The following TTC28 variants were observed in gnomAD, a reference collection of about 807,000 sequenced individuals.
TTC28 encodes the protein tetratricopeptide repeat domain 28.
A neutral mutation model predicts 198.0 loss-of-function variants in TTC28; 61 were observed. The ratio of observed to expected loss-of-function variants is 0.31; its 90% CI spans 0.25 to 0.38. TTC28 has a LOEUF of 0.38. Among genes scored for constraint, TTC28 ranks in the 10% least tolerant of loss-of-function variants. The pLI is 1.00. For missense variants in TTC28, 2,678 were observed against 3,164.0 expected (o/e 0.85, Z 3.69); for synonymous variants, 1,171 against 1,297.8 (o/e 0.90, Z 2.10).
At chr22:28,121,237 T>A (rs774417060) in intron 6 of TTC28, among the ~76,000 whole-genome samples, 5 of 152,228 alleles carry the variant, frequency 3.3e-5, no homozygotes, top group African/African-American at 4.8e-5. Context: ...CTCACAGGAT[T>A]ACAGAAACCT....
chr22:28,231,284 G>T (rs1262779063), intron 5 of TTC28, among the ~76,000 whole-genome samples: 1 of 152,142 alleles, frequency 6.6e-6, no homozygotes, highest in African/African-American at 2.4e-5. Flanking sequence ...TTTAATACAT[G>T]GACTGAATAC....
At chr22:28,171,312 T>C (rs942071510) in intron 5 of TTC28, among the ~76,000 whole-genome samples, 1 of 152,170 alleles carries the variant, frequency 6.6e-6, no homozygotes, top group Non-Finnish European at 1.5e-5. Flanking sequence ...CCTTTCTTCA[T>C]GAAGTTCCCT....
chr22:28,228,651 G>C (rs1928546692), intron 5 of TTC28, among the ~76,000 whole-genome samples: 1 of 152,016 alleles, frequency 6.6e-6, no homozygotes, highest in African/African-American at 2.4e-5. Context: ...AGTGAGCCGA[G>C]ATTGCGCCAC....
intron 13 of TTC28, among the ~76,000 whole-genome samples, chr22:28,028,033 A>C (rs1938906903): frequency 6.6e-6 from 1 of 152,228 alleles, no homozygotes. Context: ...CTGGCTTGTG[A>C]GAGAGGCGCC....
chr22:28,525,408 G>C (rs551694881), intron 2 of TTC28, among the ~76,000 whole-genome samples: 3 of 152,038 alleles, frequency 2.0e-5, no homozygotes, highest in African/African-American at 7.3e-5. Context: ...CTCTGCCTCC[G>C]CTTCTCAAAG....
chr22:28,096,101 T>C (rs1941962735), intron 11 of TTC28, 89 bp downstream of exon 11: 2 of 1,434,512 alleles, frequency 1.4e-6, no homozygotes, highest in Admixed American at 5.6e-5. Context: ...TAGTATGATC[T>C]ATGATAATGC....
intron 13 of TTC28, among the ~76,000 whole-genome samples, chr22:28,023,456 G>A (rs1938694272): frequency 6.6e-6 from 1 of 152,260 alleles, no homozygotes; most frequent in Admixed American, 6.5e-5. Context: ...CTTCTCAAGT[G>A]CTCAGGGATG....
rs187854869 is a variant in TTC28, at chr22:28,403,233, G to A, written c.382-96590C>T. On this transcript the variant is annotated intron_variant, in intron 2 of 22. Coordinates refer to ENST00000397906, the MANE Select transcript of TTC28 (RefSeq NM_001145418.2). The stretch of plus-strand genomic sequence containing the variant: ...TGGCCAATAGTCTATTGTAACCAGC[G>A]CTAGAGACCCAACACGACTATCTAC... Among the ~76,000 whole-genome samples, 376 of 152,190 alleles carry A rather than the reference G, an allele frequency of 2.5e-3. 3 individuals are homozygous for A. Among genetic ancestry groups the A allele is most frequent in the Non-Finnish European group, 3.6e-3 (242 of 68,006 alleles).
chr22:28,343,535 A>G (rs1292800376), intron 2 of TTC28, among the ~76,000 whole-genome samples: 1 of 151,848 alleles, frequency 6.6e-6, no homozygotes, highest in African/African-American at 2.4e-5. Flanking sequence ...GTCTCAAAAA[A>G]AAAAAAAAGC....
intron 2 of TTC28, among the ~76,000 whole-genome samples, chr22:28,533,382 C>G (rs2049187142): frequency 6.6e-6 from 1 of 152,112 alleles, no homozygotes; most frequent in Admixed American, 6.5e-5. Context: ...AGGAGAACTA[C>G]AAATGACCAC....
At chr22:28,223,690 G>C (rs1328784374) in intron 5 of TTC28, among the ~76,000 whole-genome samples, 1 of 151,900 alleles carries the variant, frequency 6.6e-6, no homozygotes, top group African/African-American at 2.4e-5. Context: ...CAAGTGGCTA[G>C]GTTCAAGATT....
At chr22:28,354,898 G>A (rs2046051478) in intron 2 of TTC28, among the ~76,000 whole-genome samples, 1 of 151,390 alleles carries the variant, frequency 6.6e-6, no homozygotes, top group Non-Finnish European at 1.5e-5. Context: ...ATGTATACAT[G>A]TGCCATGCTG....
intron 5 of TTC28, among the ~76,000 whole-genome samples, chr22:28,286,547 T>C (rs1233437392): frequency 6.6e-6 from 1 of 152,214 alleles, no homozygotes; most frequent in African/African-American, 2.4e-5. Flanking sequence ...GAAGTATAAA[T>C]CTACGAGAAT....
intron 2 of TTC28, among the ~76,000 whole-genome samples, chr22:28,484,202 G>A (rs1252884433): frequency 6.6e-6 from 1 of 152,110 alleles, no homozygotes. Context: ...TGATCTCTCA[G>A]GCTTAAGTGA....
At chr22:28,388,176 A>C (rs904652513) in intron 2 of TTC28, among the ~76,000 whole-genome samples, 3 of 152,120 alleles carry the variant, frequency 2.0e-5, no homozygotes, top group African/African-American at 7.2e-5. Context: ...GTTATTTCTG[A>C]GGGCTCTATT....
intron 6 of TTC28, among the ~76,000 whole-genome samples, chr22:28,158,254 T>C (rs1943798793): frequency 6.6e-6 from 1 of 151,734 alleles, no homozygotes; most frequent in African/African-American, 2.4e-5. Context: ...TGAAAGAAAC[T>C]GAGGAGGACA....
At chr22:28,406,305 A>G (rs559320830) in intron 2 of TTC28, among the ~76,000 whole-genome samples, 124 of 152,392 alleles carry the variant, frequency 8.1e-4, no homozygotes, top group African/African-American at 2.8e-3. Flanking sequence ...TAACTAGAAC[A>G]CACACTTATC....
At chr22:28,448,675 C>T (rs996678235) in intron 2 of TTC28, among the ~76,000 whole-genome samples, 26 of 152,122 alleles carry the variant, frequency 1.7e-4, no homozygotes, top group African/African-American at 5.6e-4. Flanking sequence ...AATCTCAAGG[C>T]CTCACTTTGC....
intron 5 of TTC28, among the ~76,000 whole-genome samples, chr22:28,209,958 C>A (rs563067979): frequency 6.6e-6 from 1 of 152,286 alleles, no homozygotes; most frequent in Admixed American, 6.5e-5. Context: ...AAGGATCAGG[C>A]AGCAACATTT....
Sources: gnomAD v4.1 joint callset for allele counts (sites outside exome capture counted in the v4.1 genomes callset) on GRCh38, gnomAD v4.1.1 for gene constraint, MANE v1.5 for transcripts, NCBI Gene and HGNC (gene_info 2026-07-23, HGNC 2026-07-21) for gene names.